The following GPM6A variants were observed in gnomAD, a reference collection of about 807,000 sequenced individuals.
GPM6A encodes neuronal membrane glycoprotein M6-a.
Under a neutral mutation model 32.1 loss-of-function variants are expected in GPM6A, and 7 were observed. The observed-to-expected ratio is 0.22, with a 90% CI of 0.12 to 0.41. The LOEUF (loss-of-function observed/expected upper bound fraction) is 0.41, where lower values mean the gene tolerates loss of function less well. Ranked by LOEUF, GPM6A falls within the 10% of genes least tolerant of loss-of-function variation. GPM6A has a pLI of 1.00. For synonymous variants in GPM6A, 130 were observed against 123.4 expected, an observed-to-expected ratio of 1.05 and a Z score of -0.35; for missense variants, 235 against 347.2, an observed-to-expected ratio of 0.68 and a Z score of 2.57.
chr4:176,002,372 G>C, upstream of GPM6A: 2 of 1,563,258 alleles, frequency 1.3e-6, no homozygotes, highest in Non-Finnish European at 1.7e-6. Flanking sequence ...GACGCTGCGC[G>C]GGGCCAAGTT....
At chr4:175,741,353 A>G (rs1731879301) in intron 1 of GPM6A, among the ~76,000 whole-genome samples, 1 of 152,088 alleles carries the variant, frequency 6.6e-6, no homozygotes, top group African/African-American at 2.4e-5. Flanking sequence ...CAGAGCATTA[A>G]GAATCTTCTG....
chr4:175,981,758 G>T (rs1740821872), intron 1 of GPM6A, among the ~76,000 whole-genome samples: 2 of 152,052 alleles, frequency 1.3e-5, no homozygotes, highest in African/African-American at 2.4e-5. Flanking sequence ...GGGAGGGCTT[G>T]CTGGAACATT....
chr4:175,841,406 C>A (rs1735930885), intron 1 of GPM6A, among the ~76,000 whole-genome samples: 1 of 151,972 alleles, frequency 6.6e-6, no homozygotes, highest in Non-Finnish European at 1.5e-5. Context: ...CGTCCCCCAC[C>A]CTCCAGGATC....
At position 175,914,464 on chromosome 4, in the gene GPM6A, C is replaced by T. The variant is rs562701284; in HGVS notation, c.-23+87845G>A. Among the ~76,000 whole-genome samples, 9 of 152,098 alleles carry T rather than the reference C, an allele frequency of 5.9e-5. No homozygotes were observed. The South Asian group carries it at 8.3e-4, about 14-fold the overall frequency. On this transcript the variant is annotated intron_variant, in intron 1 of 7. Coordinates refer to the GPM6A transcript ENST00000280187. ...CTGCCTCCTGAGTAGCTGGGACTAC[C>T]GGCACATGCCACCACGACCAGTTAA...
intron 2 of GPM6A, among the ~76,000 whole-genome samples, chr4:175,698,490 C>T (rs1744695905): frequency 6.6e-6 from 1 of 152,098 alleles, no homozygotes; most frequent in African/African-American, 2.4e-5. Flanking sequence ...GCACTTTTTC[C>T]ATTCCTCTGA....
Position 175,948,827 on chromosome 4 carries a change from A to G in GPM6A, c.-23+53482T>C, listed in dbSNP as rs1561007454. Reference sequence around the variant, plus strand: ...AAAATAACAATGTTAATACTAACTTACTATCAATTGTTACTAGATTGAGCA... The same window carrying G: ...AAAATAACAATGTTAATACTAACTTGCTATCAATTGTTACTAGATTGAGCA... On this transcript the variant is annotated intron_variant, in intron 1 of 7. Transcript: ENST00000280187. Among the ~76,000 whole-genome samples the G allele has an allele frequency of 4.6e-5, 7 of 151,084 alleles. No individual in the cohort carries two copies. In the East Asian group the frequency reaches 1.3e-3, roughly 29 times the overall value.
At chr4:176,000,548 C>G (rs1339015598) in intron 1 of GPM6A, among the ~76,000 whole-genome samples, 1 of 152,180 alleles carries the variant, frequency 6.6e-6, no homozygotes, top group Non-Finnish European at 1.5e-5. Flanking sequence ...CCAGTCCTCT[C>G]GAGCTTGAGG....
intron 1 of GPM6A, among the ~76,000 whole-genome samples, chr4:175,739,150 A>T (rs1731782190): frequency 6.6e-6 from 1 of 152,176 alleles, no homozygotes; most frequent in South Asian, 2.1e-4. Flanking sequence ...CATCTGACAG[A>T]GTAAGTTCCT....
chr4:175,665,395 A>T (rs1252070186), intron 3 of GPM6A, among the ~76,000 whole-genome samples: 1 of 152,158 alleles, frequency 6.6e-6, no homozygotes, highest in Non-Finnish European at 1.5e-5. Flanking sequence ...CAATCCGTGT[A>T]ACAGATCCTT....
intron 1 of GPM6A, among the ~76,000 whole-genome samples, chr4:175,761,795 A>C (rs147512773): frequency 3.0e-4 from 40 of 133,220 alleles, no homozygotes; most frequent in African/African-American, 1.1e-3. Context: ...GCCAAATAAT[A>C]AACTTTTTTT....
At chr4:175,710,184 T>G (rs2111087854) in intron 1 of GPM6A, among the ~76,000 whole-genome samples, 1 of 152,302 alleles carries the variant, frequency 6.6e-6, no homozygotes, top group African/African-American at 2.4e-5. Flanking sequence ...GTTTCATTAA[T>G]TTCTATTTTT....
In GPM6A at chr4:175,872,424, C is replaced by T. The variant is rs535847133; in HGVS notation, c.-22-60175G>A. Among the ~76,000 whole-genome samples, 54 of 152,284 alleles carry T rather than the reference C, an allele frequency of 3.5e-4. 1 individual carries two copies. The highest frequency in any genetic ancestry group is 4.1e-4 in the Non-Finnish European group (28 of 68,026). ...AGGCATCAGCCATCTTGGCTTCAAC[C>T]CAGGACACACTAAAATATTCCTATA... On this transcript the variant is annotated intron_variant, in intron 1 of 7. Transcript: ENST00000280187.
intron 1 of GPM6A, among the ~76,000 whole-genome samples, chr4:175,825,648 C>T (rs6812924): frequency 0.97 from 147,282 of 152,242 alleles, 71,452 homozygotes; most frequent in East Asian, 1. Flanking sequence ...TTTAACATCA[C>T]CCATAGCCAA....
chr4:175,659,834 T>C (rs1160956935), intron 3 of GPM6A, among the ~76,000 whole-genome samples: 1 of 152,188 alleles, frequency 6.6e-6, no homozygotes, highest in African/African-American at 2.4e-5. Context: ...AAACATCTGT[T>C]GAATGAACAA....
intron 1 of GPM6A, among the ~76,000 whole-genome samples, chr4:175,827,368 CA>C (rs1735471077): frequency 6.6e-6 from 1 of 152,138 alleles, no homozygotes; most frequent in Non-Finnish European, 1.5e-5. Context: ...CACTTTAATT[CA>C]TTAATCTTCA....
At chr4:175,745,937 T>C (rs1258108740) in intron 1 of GPM6A, among the ~76,000 whole-genome samples, 1 of 152,128 alleles carries the variant, frequency 6.6e-6, no homozygotes, top group Non-Finnish European at 1.5e-5. Context: ...ATAGTGTGAA[T>C]GTGGATTTAA....
At chr4:175,711,145 T>A (rs1745504949) in intron 1 of GPM6A, among the ~76,000 whole-genome samples, 1 of 152,030 alleles carries the variant, frequency 6.6e-6, no homozygotes, top group East Asian at 1.9e-4. Flanking sequence ...GTACCTATAT[T>A]TTAAATGAGC....
rs144617427 is a variant in GPM6A at position 175,994,365 on chromosome 4, C to A, written c.-23+7944G>T. On this transcript the variant is annotated intron_variant, in intron 1 of 7. Coordinates refer to the GPM6A transcript ENST00000280187. ...CCAGGATTAGAAAATAAAAATAGTG[C>A]AGGCATGCCTTAGAGGTATTTGGGG... Among the ~76,000 whole-genome samples, 258 of 152,242 alleles carry A rather than the reference C, an allele frequency of 1.7e-3. 2 individuals carry two copies. Among genetic ancestry groups the A allele is most frequent in the African/African-American group, 5.9e-3 (245 of 41,546 alleles).
At chr4:175,976,274 T>C (rs899059645) in intron 1 of GPM6A, among the ~76,000 whole-genome samples, 15 of 151,008 alleles carry the variant, frequency 9.9e-5, no homozygotes, top group Admixed American at 8.6e-4. Flanking sequence ...GCCATTCTCC[T>C]GTCTCAGCCT....
Sources: gnomAD v4.1 joint callset for allele counts (sites outside exome capture counted in the v4.1 genomes callset) on GRCh38, gnomAD v4.1.1 for gene constraint, MANE v1.5 for transcripts, NCBI Gene and HGNC (gene_info 2026-07-23, HGNC 2026-07-21) for gene names.